The following MTHFD2L variants were observed in gnomAD, a reference collection of about 807,000 sequenced individuals.
MTHFD2L encodes the protein methylenetetrahydrofolate dehydrogenase (NADP+ dependent) 2 like, also known as bifunctional methylenetetrahydrofolate dehydrogenase/cyclohydrolase 2, mitochondrial.
A neutral mutation model predicts 34.9 loss-of-function variants in MTHFD2L; 29 were observed. The ratio of observed to expected loss-of-function variants is 0.83; its 90% CI spans 0.62 to 1.13. MTHFD2L has a LOEUF of 1.13. MTHFD2L is among the 50% of genes most tolerant of loss of function. The pLI is 0.00. For missense variants in MTHFD2L, 481 were observed against 446.5 expected, an observed-to-expected ratio of 1.08 and a Z score of -0.70; for synonymous variants, 167 against 155.7, an observed-to-expected ratio of 1.07 and a Z score of -0.54.
chr4:74,236,309 T>C (rs1380030627), intron 6 of MTHFD2L, among the ~76,000 whole-genome samples: 1 of 152,220 alleles, frequency 6.6e-6, no homozygotes, highest in Admixed American at 6.5e-5. Context: ...AAAACACAAA[T>C]AAATTGTTTT....
At chr4:74,255,175 G>GGTATACA (rs983736962) in intron 6 of MTHFD2L, among the ~76,000 whole-genome samples, 1 of 148,466 alleles carries the variant, frequency 6.7e-6, no homozygotes, top group African/African-American at 2.5e-5. Context: ...TTAGTTAATG[G>GGTATACA]GTATACAGTA....
intron 3 of MTHFD2L, among the ~76,000 whole-genome samples, chr4:74,185,306 G>A (rs904773484): frequency 6.6e-6 from 1 of 151,702 alleles, no homozygotes; most frequent in African/African-American, 2.4e-5. Context: ...ACACATCAAA[G>A]TTTGTGGGAT....
chr4:74,196,481 T>C (rs1325108003), intron 3 of MTHFD2L, among the ~76,000 whole-genome samples: 1 of 152,162 alleles, frequency 6.6e-6, no homozygotes, highest in Admixed American at 6.5e-5. Context: ...ATGTTTACTA[T>C]ACGGATGAGC....
chr4:74,158,020 G>A, upstream of MTHFD2L: 1 of 1,445,844 alleles, frequency 6.9e-7, no homozygotes, highest in Non-Finnish European at 9.4e-7. Flanking sequence ...CCGGAACCTG[G>A]CTGGGAAGCG....
chr4:74,142,052 C>T (rs894062813), intron 1 of MTHFD2L, among the ~76,000 whole-genome samples: 2 of 152,128 alleles, frequency 1.3e-5, no homozygotes, highest in African/African-American at 4.8e-5. Flanking sequence ...TTCATGGAGT[C>T]TCTGCATAAA....
intron 1 of MTHFD2L, among the ~76,000 whole-genome samples, chr4:74,163,154 G>A (rs530353): frequency 0.99 from 151,012 of 152,248 alleles, 74,902 homozygotes; most frequent in Middle Eastern, 1. Context: ...ATAATTTACA[G>A]ATATTTCAGT....
upstream of MTHFD2L, among the ~76,000 whole-genome samples, chr4:74,119,506 G>A (rs4121652): frequency 0.5 from 76,000 of 152,020 alleles, 21,384 homozygotes; most frequent in Admixed American, 0.63. Context: ...AATACTGGCC[G>A]GGCGCGGTGG....
At chr4:74,246,649 A>G (rs1252568673) in intron 6 of MTHFD2L, among the ~76,000 whole-genome samples, 4 of 152,196 alleles carry the variant, frequency 2.6e-5, no homozygotes, top group South Asian at 2.1e-4. Flanking sequence ...TCGAATTAAT[A>G]TTTGTATAAG....
At chr4:74,118,802 C>T (rs552270232), upstream of MTHFD2L, among the ~76,000 whole-genome samples, 8 of 152,338 alleles carry the variant, frequency 5.3e-5, no homozygotes, top group East Asian at 1.9e-4. Context: ...TATAGCCGCT[C>T]CCCATTGCTC....
chr4:74,275,814 A>AT (rs1746560420), intron 6 of MTHFD2L, among the ~76,000 whole-genome samples: 1 of 151,638 alleles, frequency 6.6e-6, no homozygotes, highest in Non-Finnish European at 1.5e-5. Flanking sequence ...TTTCTTGTAA[A>AT]TTTTTTAAAA....
chr4:74,174,785 C>A, intron 2 of MTHFD2L, 95 bp downstream of exon 2: 4 of 848,238 alleles, frequency 4.7e-6, no homozygotes, highest in South Asian at 3.3e-5. Flanking sequence ...CAAATAAGTG[C>A]CATTTGAATT....
intron 1 of MTHFD2L, among the ~76,000 whole-genome samples, chr4:74,150,316 C>T (rs779294696): frequency 5.9e-5 from 9 of 152,320 alleles, no homozygotes; most frequent in East Asian, 3.9e-4. Context: ...TGCAATGGTG[C>T]GATCTCAGCT....
chr4:74,180,692 G>T (rs1209615048), intron 3 of MTHFD2L: 1 of 455,082 alleles, frequency 2.2e-6, no homozygotes, highest in South Asian at 1.6e-5. Context: ...TTCAGAAGCT[G>T]TGCAACTTTG....
At chr4:74,218,621 C>G (rs553542174) in intron 5 of MTHFD2L, among the ~76,000 whole-genome samples, 1 of 151,570 alleles carries the variant, frequency 6.6e-6, no homozygotes. Context: ...CAAGCCCCCC[C>G]CCCACCACCA....
chr4:74,249,548 G>A (rs181454087), intron 6 of MTHFD2L, among the ~76,000 whole-genome samples: 4 of 151,568 alleles, frequency 2.6e-5, no homozygotes, highest in African/African-American at 4.8e-5. Flanking sequence ...TATTTTGCTC[G>A]TTAGTTGATG....
At chr4:74,157,029 G>A (rs1375538608), upstream of MTHFD2L, 1 of 152,116 alleles carries the variant, frequency 6.6e-6, no homozygotes, top group East Asian at 1.9e-4. Context: ...TCTTTTGCAT[G>A]GCAGAAGTTT....
intron 7 of MTHFD2L, among the ~76,000 whole-genome samples, chr4:74,288,763 C>T (rs916259026): frequency 6.6e-6 from 1 of 152,296 alleles, no homozygotes; most frequent in East Asian, 1.9e-4. Context: ...CTTAGATACA[C>T]AGATTTGCAA....
chr4:74,251,004 A>G (rs945977313), intron 6 of MTHFD2L, among the ~76,000 whole-genome samples: 4 of 152,136 alleles, frequency 2.6e-5, no homozygotes, highest in African/African-American at 9.7e-5. Flanking sequence ...TTAGGGAAAT[A>G]TCCCTTGTAT....
rs112541272 is a variant in MTHFD2L at position 74,202,130 on chromosome 4, A to G, written c.712+760A>G. ...CACAGTGCTGTAAACAGTTGCGACT[A>G]TGGTCTCAATCAGTCAGCAAGACTT... is the stretch of plus-strand genomic sequence containing the variant. On this transcript the variant is annotated intron_variant, in intron 5 of 7. Transcript: ENST00000325278. Among the ~76,000 whole-genome samples, 465 of 152,350 alleles carry G rather than the reference A, an allele frequency of 3.1e-3. 3 individuals are homozygous for G. Among genetic ancestry groups the G allele is most frequent in the African/African-American group, 0.011 (444 of 41,584 alleles).
Sources: gnomAD v4.1 joint callset for allele counts (sites outside exome capture counted in the v4.1 genomes callset) on GRCh38, gnomAD v4.1.1 for gene constraint, MANE v1.5 for transcripts, NCBI Gene and HGNC (gene_info 2026-07-23, HGNC 2026-07-21) for gene names.